The following TRMO variants were observed in gnomAD, a reference collection of about 807,000 sequenced individuals.
The protein encoded by TRMO is tRNA methyltransferase O, also known as tRNA (adenine(37)-N6)-methyltransferase.
A neutral mutation model predicts 37.2 loss-of-function variants in TRMO; 30 were observed. The observed-to-expected ratio is 0.81, with a 90% CI of 0.60 to 1.09. The LOEUF (loss-of-function observed/expected upper bound fraction) is 1.09. Among genes scored for constraint, TRMO ranks in the 50% least tolerant of loss-of-function variants. TRMO has a pLI of 0.00. For synonymous variants in TRMO, 239 were observed against 199.4 expected (o/e 1.20, Z -1.67); for missense variants, 552 against 549.5 (o/e 1.00, Z -0.05).
intron 1 of TRMO, among the ~76,000 whole-genome samples, chr9:97,921,976 G>C (rs1027071744): frequency 5.3e-5 from 8 of 152,114 alleles, no homozygotes; most frequent in Non-Finnish European, 1.2e-4. Context: ...ACAAATTCAT[G>C]CCTTGTCTTT....
intron 3 of TRMO, chr9:97,911,439 G>C (rs1826121158): frequency 6.5e-6 from 1 of 152,744 alleles, no homozygotes; most frequent in African/African-American, 2.4e-5. Flanking sequence ...AATCAATGTG[G>C]CCAACAGTCT....
At chr9:97,916,384 C>T (rs1342555723) in intron 1 of TRMO, 46 bp from the exon 2 acceptor site, 1 of 1,412,766 alleles carries the variant, frequency 7.1e-7, no homozygotes, top group East Asian at 2.3e-5. Context: ...AAAGGTCAAA[C>T]CAAGTTGTAA....
chr9:97,916,239 C>G lies in TRMO; in HGVS notation c.176G>C (p.Cys59Ser). 3.7e-6 allele frequency: 6 copies of G among 1,613,654 alleles called. No individual in the cohort carries two copies. The highest frequency in any genetic ancestry group is 5.1e-6 in the Non-Finnish European group (6 of 1,179,698). ...AAAGATCCTCTTTCTAATCCTCAAA[C>G]AGGCTCGAGAATAGCTACAAATGGA... ...QPSICSYSRA[C>S]LRIRKRIFNN... Residue 59 changes from cysteine (C) to serine (S), a missense_variant, in exon 2 of 5, where the codon TGT becomes TCT. Cys to Ser is a moderately radical substitution (Grantham distance 112, BLOSUM62 -1). Transcript: ENST00000375119.
rs368772385 is a variant in TRMO at position 97,904,810 on chromosome 9, C to T, written c.1249G>A (p.Val417Met). The T allele has an allele frequency of 5.8e-5, 93 of 1,614,092 alleles. No individual in the cohort carries two copies. The highest frequency in any genetic ancestry group is 7.5e-5 in the Non-Finnish European group (88 of 1,180,044). ...TCAGAAGCCGGCTTGATCCTCAGCA[C>T]CTCTGCAAAGCCATCACCAAACCAG... ...TCWFGDGFAEVLRIKPASEPV... is the reference protein window; with the variant it reads ...TCWFGDGFAEMLRIKPASEPV... Residue 417 changes from valine (V) to methionine (M), a missense_variant, in exon 5 of 5, where the codon GTG becomes ATG. By Grantham distance (21) the Val-to-Met change is conservative (BLOSUM62 1). Coordinates refer to ENST00000375119, the MANE Select transcript of TRMO (RefSeq NM_016481.5).
At chr9:97,899,234 G>GAGGAAGGGACTA in the TRMO span, among the ~76,000 whole-genome samples, 3 of 151,590 alleles carry the variant, frequency 2.0e-5, no homozygotes, top group Non-Finnish European at 4.4e-5. Flanking sequence ...AAAAACCCGT[G>GAGGAAGGGACTA]AGCTGGTGAC....
chr9:97,896,913 G>A, the TRMO span, among the ~76,000 whole-genome samples: 1 of 152,200 alleles, frequency 6.6e-6, no homozygotes, highest in Non-Finnish European at 1.5e-5. Flanking sequence ...ATGCATGCTT[G>A]TGATTAGACA....
chr9:97,918,812 T>C (rs892326840), intron 1 of TRMO, among the ~76,000 whole-genome samples: 5 of 152,240 alleles, frequency 3.3e-5, no homozygotes, highest in Non-Finnish European at 5.9e-5. Context: ...TTGTTCTTTT[T>C]AGGTTGTTTT....
Position 97,916,246 on chromosome 9 carries a change from G to C in TRMO, c.169C>G (p.Arg57Gly). The change falls in exon 2 of 5, where the codon CGA becomes GGA. Residue 57 changes from arginine (R) to glycine (G), a missense_variant. Coordinates refer to ENST00000375119, the MANE Select transcript of TRMO (RefSeq NM_016481.5). ...CTCTTTCTAATCCTCAAACAGGCTC[G>C]AGAATAGCTACAAATGGATGGCTGT... is the stretch of plus-strand genomic sequence containing the variant. ...PRQPSICSYS[R>G]ACLRIRKRIF... 6.2e-7 allele frequency: 1 copy of C among 1,613,284 alleles called. No homozygotes were observed. The highest frequency in any genetic ancestry group is 8.5e-7 in the Non-Finnish European group (1 of 1,179,384).
chr9:97,910,084 A>G lies in TRMO; in HGVS notation c.942T>C (p.Ala314=). Residue 314 remains alanine, a synonymous_variant, in exon 4 of 5, where the codon GCT becomes GCC. Coordinates refer to ENST00000375119, the MANE Select transcript of TRMO (RefSeq NM_016481.5). The part of the protein sequence containing the change: ...ETQPMAPHCP[A]GRADGAPRSV... ...TGCGGGGAGCTCCATCAGCCCTTCC[A>G]GCAGGGCAGTGAGGGGCCATGGGCT... 1.2e-6 allele frequency: 2 copies of G among 1,613,946 alleles called. No individual in the cohort carries two copies. Among genetic ancestry groups the G allele is most frequent in the African/African-American group, 2.7e-5 (2 of 75,056 alleles).
At chr9:97,917,948 C>T (rs1826449450) in intron 1 of TRMO, among the ~76,000 whole-genome samples, 1 of 150,508 alleles carries the variant, frequency 6.6e-6, no homozygotes, top group Non-Finnish European at 1.5e-5. Flanking sequence ...TCTCAAAGTG[C>T]TAGTATTACA....
At chr9:97,903,355 G>A (rs947445200), downstream of TRMO, among the ~76,000 whole-genome samples, 1 of 152,172 alleles carries the variant, frequency 6.6e-6, no homozygotes, top group Non-Finnish European at 1.5e-5. Context: ...AAATCAGTTT[G>A]GTTTAGGAGT....
the TRMO span, among the ~76,000 whole-genome samples, chr9:97,897,070 A>G: frequency 1.3e-5 from 2 of 152,264 alleles, no homozygotes; most frequent in African/African-American, 2.4e-5. Flanking sequence ...CATGGGTTGT[A>G]TAACCTCCTC....
the TRMO span, among the ~76,000 whole-genome samples, chr9:97,898,825 A>G: frequency 7.6e-6 from 1 of 132,376 alleles, no homozygotes; most frequent in African/African-American, 3.0e-5. Flanking sequence ...TTGCATTTTC[A>G]TATATATATA....
intron 4 of TRMO, among the ~76,000 whole-genome samples, chr9:97,907,475 C>A (rs1308609978): frequency 6.6e-6 from 1 of 152,204 alleles, no homozygotes; most frequent in Non-Finnish European, 1.5e-5. Context: ...TCTTCATTCT[C>A]TCCCTGCTAG....
At chr9:97,916,851 G>A (rs1458095669) in intron 1 of TRMO, among the ~76,000 whole-genome samples, 5 of 150,186 alleles carry the variant, frequency 3.3e-5, no homozygotes, top group South Asian at 2.1e-4. Flanking sequence ...GATTACAGGC[G>A]CCCACCACCA....
intron 4 of TRMO, among the ~76,000 whole-genome samples, chr9:97,906,411 G>A (rs1341500243): frequency 2.0e-5 from 3 of 152,072 alleles, no homozygotes; most frequent in African/African-American, 4.8e-5. Context: ...CCAGACACAA[G>A]TCAGGATTCT....
At chr9:97,913,327 G>A (rs1432715347) in intron 3 of TRMO, 74 bp downstream of exon 3, 8 of 1,565,784 alleles carry the variant, frequency 5.1e-6, no homozygotes, top group Non-Finnish European at 7.0e-6. Context: ...TAAACAGCCA[G>A]TGGTGAATGC....
At chr9:97,900,779 T>G (rs1030774173), downstream of TRMO, 4 of 972,212 alleles carry the variant, frequency 4.1e-6, no homozygotes, top group African/African-American at 7.0e-5. Flanking sequence ...TCTCTGGGAC[T>G]GTAGCATTTT....
the TRMO span, among the ~76,000 whole-genome samples, chr9:97,896,990 C>T: frequency 6.6e-6 from 1 of 152,184 alleles, no homozygotes; most frequent in East Asian, 1.9e-4. Context: ...CCCCAGAGAA[C>T]CCACCCCAAG....
Sources: allele counts gnomAD v4.1 joint callset (sites outside exome capture counted in the v4.1 genomes callset), GRCh38; gene constraint gnomAD v4.1.1; transcripts MANE v1.5; gene names NCBI Gene and HGNC (gene_info 2026-07-23, HGNC 2026-07-21).